The following ZSWIM7 variants were observed in gnomAD, a reference collection of about 807,000 sequenced individuals.
ZSWIM7 encodes zinc finger SWIM-type containing 7, also known as zinc finger SWIM domain-containing protein 7.
In ZSWIM7, 22 loss-of-function variants were observed where a neutral mutation model predicts 21.1. That is an observed-to-expected ratio of 1.04 (90% CI 0.74 to 1.49). The LOEUF is 1.49. Among genes scored for constraint, ZSWIM7 ranks in the 40% most tolerant of loss-of-function variants. The pLI, the probability that ZSWIM7 is intolerant of heterozygous loss-of-function variation, is 0.00. For missense variants in ZSWIM7, 193 were observed against 168.0 expected (o/e 1.15, Z -0.82); for synonymous variants, 67 against 66.5 (o/e 1.01, Z -0.04).
At chr17:15,985,721 G>C (rs1289391440) in intron 3 of ZSWIM7, among the ~76,000 whole-genome samples, 1 of 152,138 alleles carries the variant, frequency 6.6e-6, no homozygotes, top group Non-Finnish European at 1.5e-5. Flanking sequence ...CCAATGGGAG[G>C]AACAAAAAGT....
At chr17:15,982,377 T>A (rs1304851261) in intron 3 of ZSWIM7, among the ~76,000 whole-genome samples, 1 of 152,218 alleles carries the variant, frequency 6.6e-6, no homozygotes. Flanking sequence ...GATTTTATAA[T>A]GAACTGCCAC....
At chr17:15,993,481 C>T (rs202106505) in intron 2 of ZSWIM7, among the ~76,000 whole-genome samples, 1 of 151,796 alleles carries the variant, frequency 6.6e-6, no homozygotes, top group African/African-American at 2.4e-5. Flanking sequence ...ATTCTCCTGC[C>T]TTAGCCTCCT....
intron 4 of ZSWIM7, among the ~76,000 whole-genome samples, chr17:15,979,426 CT>C (rs1368254604): frequency 6.6e-6 from 1 of 152,266 alleles, no homozygotes; most frequent in Non-Finnish European, 1.5e-5. Context: ...ATTTCTCAAT[CT>C]TTTCCCTACC....
intron 3 of ZSWIM7, among the ~76,000 whole-genome samples, chr17:15,983,120 G>A (rs1438820365): frequency 1.3e-5 from 2 of 151,956 alleles, no homozygotes; most frequent in Non-Finnish European, 2.9e-5. Context: ...GCTGAGGCGG[G>A]TGGATCATGA....
intron 1 of ZSWIM7, among the ~76,000 whole-genome samples, chr17:15,994,041 C>T (rs550725652): frequency 1.1e-4 from 16 of 152,284 alleles, no homozygotes; most frequent in Middle Eastern, 3.4e-3. Context: ...CTCCGCCTCC[C>T]GGGTTTAAAC....
chr17:15,981,891 G>A (rs1285207184), intron 3 of ZSWIM7, among the ~76,000 whole-genome samples: 2 of 152,216 alleles, frequency 1.3e-5, no homozygotes, highest in East Asian at 3.8e-4. Flanking sequence ...ACTGCAGCCT[G>A]GGTGACAAAG....
intron 1 of ZSWIM7, 106 bp from the exon 2 acceptor site, chr17:15,993,884 T>C: frequency 2.6e-6 from 2 of 781,518 alleles, no homozygotes; most frequent in South Asian, 3.2e-5. Context: ...TGTGTGATGG[T>C]CAACTGAACC....
chr17:15,994,769 G>C lies in ZSWIM7; in HGVS notation c.77-991C>G, dbSNP rs374544285. 1.1e-4 allele frequency among the ~76,000 whole-genome samples: 16 copies of C among 152,230 alleles called. No homozygotes were observed. The East Asian group carries it at 2.9e-3, about 28-fold the overall frequency. On this transcript the variant is annotated intron_variant, in intron 1 of 4. Coordinates refer to ENST00000399277, the MANE Select transcript of ZSWIM7 (RefSeq NM_001042697.2). ...CCTTCACACTTCAGCCAGGAGACTGGAAGTCTTCCCTAGGTATACCCCAAG... is the reference window on the plus strand; with the variant it reads ...CCTTCACACTTCAGCCAGGAGACTGCAAGTCTTCCCTAGGTATACCCCAAG...
intron 2 of ZSWIM7, among the ~76,000 whole-genome samples, chr17:15,989,293 C>T (rs1057190399): frequency 2.0e-5 from 3 of 151,574 alleles, no homozygotes; most frequent in African/African-American, 7.3e-5. Flanking sequence ...TAAAGGAAAC[C>T]TACAATTATG....
chr17:15,981,591 G>T (rs546772409), intron 3 of ZSWIM7, among the ~76,000 whole-genome samples: 2 of 152,186 alleles, frequency 1.3e-5, no homozygotes, highest in African/African-American at 4.8e-5. Context: ...AACAGGCAAA[G>T]GGTCAGTAGC....
In ZSWIM7 at chr17:15,978,264, T is replaced by C. The variant is rs1970303757; in HGVS notation, c.307-101A>G. ...ACCATCTTATTTGGCAGGAGAAGAC[T>C]AGAGCATACAGATTACGGGGTCTCT... On this transcript the variant is annotated intron_variant, in intron 4 of 4. Transcript: ENST00000399277. 9 of 839,426 alleles carry C rather than the reference T, an allele frequency of 1.1e-5. No individual in the cohort carries two copies. In the South Asian group the frequency reaches 1.3e-4, roughly 12 times the overall value. 52.0% of individuals were successfully genotyped at this position (839,426 alleles called of 1,614,324 possible).
Position 15,977,820 on chromosome 17 carries a change from C to G in ZSWIM7, c.*227G>C. On this transcript the variant is annotated 3_prime_UTR_variant, in exon 5 of 5. Transcript: ENST00000399277. ...TTTACCGAAGCGTCTCAGAGACTGG[C>G]TCAGGGTATTTCTTGACAAGACTGT... The G allele has an allele frequency of 2.4e-6, 1 of 415,572 alleles. No individual in the cohort carries two copies. 25.7% of individuals were successfully genotyped at this position (415,572 alleles called of 1,614,324 possible).
At chr17:15,981,616 A>G (rs968623581) in intron 3 of ZSWIM7, among the ~76,000 whole-genome samples, 1 of 152,150 alleles carries the variant, frequency 6.6e-6, no homozygotes, top group African/African-American at 2.4e-5. Context: ...CAGGAGTAAG[A>G]TAAGTCTCAG....
chr17:15,982,335 G>A (rs968927471), intron 3 of ZSWIM7, among the ~76,000 whole-genome samples: 4 of 152,172 alleles, frequency 2.6e-5, no homozygotes, highest in Admixed American at 2.6e-4. Flanking sequence ...ATTATTATTA[G>A]TATCTGAGGG....
At chr17:15,999,492 C>G in intron 1 of ZSWIM7, 27 bp downstream of exon 1, 3 of 1,594,792 alleles carry the variant, frequency 1.9e-6, no homozygotes, top group Non-Finnish European at 2.5e-6. Flanking sequence ...GCCCATGGCG[C>G]AGCCACACAC....
intron 1 of ZSWIM7, among the ~76,000 whole-genome samples, chr17:15,995,575 T>TA (rs550832963): frequency 0.021 from 2,134 of 100,094 alleles, 54 homozygotes; most frequent in African/African-American, 0.058. Flanking sequence ...CCCTGTCTCT[T>TA]AAAAAAAAAA....
chr17:15,987,182 G>A (rs1567791254), intron 3 of ZSWIM7, 84 bp downstream of exon 3: 1 of 1,103,660 alleles, frequency 9.1e-7, no homozygotes, highest in Non-Finnish European at 1.3e-6. Flanking sequence ...AATATTTAAA[G>A]CTAGTCAACA....
At chr17:15,980,163 C>CT (rs142404495) in intron 4 of ZSWIM7, 6,316 of 150,358 alleles carry the variant, frequency 0.042, 300 homozygotes, top group African/African-American at 0.12. Context: ...AGGCTACTCT[C>CT]TTAACTACTG....
At chr17:15,989,617 CTTTT>C (rs1327152885) in intron 2 of ZSWIM7, among the ~76,000 whole-genome samples, 2 of 152,014 alleles carry the variant, frequency 1.3e-5, no homozygotes, top group Non-Finnish European at 2.9e-5. Context: ...CGTGTCTGGC[CTTTT>C]TGTTTGTTTG....
Sources: allele counts gnomAD v4.1 joint callset (sites outside exome capture counted in the v4.1 genomes callset), GRCh38; gene constraint gnomAD v4.1.1; transcripts MANE v1.5; gene names NCBI Gene and HGNC (gene_info 2026-07-23, HGNC 2026-07-21).